Variants in ORC4 observed in about 807,000 individuals in gnomAD.
ORC4 encodes origin recognition complex, subunit 4 homolog.
In ORC4, 55 loss-of-function variants were observed where a neutral mutation model predicts 63.9. The observed-to-expected ratio is 0.86, with a 90% CI of 0.69 to 1.08. The LOEUF (loss-of-function observed/expected upper bound fraction) is 1.08, where lower values mean the gene tolerates loss of function less well. Ranked by LOEUF, ORC4 falls within the 50% of genes least tolerant of loss-of-function variation. The pLI, the probability that ORC4 is intolerant of heterozygous loss-of-function variation, is 0.00. For missense variants in ORC4, 511 were observed against 504.4 expected, an observed-to-expected ratio of 1.01 and a Z score of -0.13; for synonymous variants, 150 against 168.5, an observed-to-expected ratio of 0.89 and a Z score of 0.85.
intron 1 of ORC4, among the ~76,000 whole-genome samples, chr2:148,014,746 G>C (rs1189336213): frequency 1.3e-5 from 2 of 152,076 alleles, no homozygotes; most frequent in Non-Finnish European, 2.9e-5. Context: ...TATTTACATA[G>C]CATCTACATT....
At position 148,010,662 on chromosome 2, in the gene ORC4, T is replaced by C. The variant is rs570895836; in HGVS notation, c.-18+9971A>G. Among the ~76,000 whole-genome samples the C allele has an allele frequency of 2.0e-3, 302 of 151,950 alleles. 2 individuals are homozygous for C. The highest frequency in any genetic ancestry group is 3.3e-3 in the Non-Finnish European group (224 of 67,926). On this transcript the variant is annotated intron_variant, in intron 1 of 13. Transcript: ENST00000392857. The stretch of plus-strand genomic sequence containing the variant: ...AACATTAAGAAAACCAAAATCGAAA[T>C]AGACCCATAATAAGTTTCAAGATAG...
intron 1 of ORC4, among the ~76,000 whole-genome samples, chr2:148,002,483 G>A (rs1440955913): frequency 6.6e-6 from 1 of 152,152 alleles, no homozygotes. Flanking sequence ...CAACTATGTG[G>A]AAACTGAACA....
intron 4 of ORC4, among the ~76,000 whole-genome samples, 167 bp downstream of exon 4, chr2:147,972,570 CAT>C (rs1339374023): frequency 6.6e-5 from 10 of 151,884 alleles, no homozygotes; most frequent in Non-Finnish European, 1.0e-4. Context: ...TAAAGTTTTA[CAT>C]GTCTTCTGTG....
intron 1 of ORC4, among the ~76,000 whole-genome samples, chr2:147,986,813 A>ACACACACG (rs1691228603): frequency 6.6e-6 from 1 of 151,720 alleles, no homozygotes; most frequent in African/African-American, 2.4e-5. Context: ...ACACACACAC[A>ACACACACG]CTAGTGACCT....
At chr2:147,942,153 A>G (rs1688399705) in intron 10 of ORC4, among the ~76,000 whole-genome samples, 1 of 152,126 alleles carries the variant, frequency 6.6e-6, no homozygotes, top group African/African-American at 2.4e-5. Context: ...TACTACTAGC[A>G]TCAACAGTAC....
chr2:147,977,805 C>A (rs1203243053), intron 1 of ORC4, among the ~76,000 whole-genome samples: 1 of 152,190 alleles, frequency 6.6e-6, no homozygotes, highest in Non-Finnish European at 1.5e-5. Context: ...GTTTGGCTTT[C>A]TCTGGGAACC....
intron 1 of ORC4, among the ~76,000 whole-genome samples, chr2:148,017,645 C>T (rs1354627190): frequency 6.6e-6 from 1 of 152,146 alleles, no homozygotes; most frequent in Non-Finnish European, 1.5e-5. Flanking sequence ...GGACTCCAGC[C>T]TGGGCAACAG....
chr2:148,002,637 C>A (rs1692384917), intron 1 of ORC4, among the ~76,000 whole-genome samples: 1 of 152,044 alleles, frequency 6.6e-6, no homozygotes, highest in African/African-American at 2.4e-5. Context: ...ATTTATAGCA[C>A]TAAATGCCCA....
At chr2:147,976,439 A>C (rs1407265712) in intron 1 of ORC4, among the ~76,000 whole-genome samples, 2 of 152,106 alleles carry the variant, frequency 1.3e-5, no homozygotes, top group Non-Finnish European at 2.9e-5. Flanking sequence ...TGGGTGATTC[A>C]CTTTATTGTG....
Position 147,931,064 on chromosome 2 carries a change from A to T in ORC4, c.*4446T>A, listed in dbSNP as rs1374239365. ...ATATTCCCCTTCCTGTGTCCATGTG[A>T]TCTCATTGTTCAATTCCCACCTATG... On this transcript the variant is annotated 3_prime_UTR_variant, in exon 14 of 14. Coordinates refer to ENST00000392857, the MANE Select transcript of ORC4 (RefSeq NM_181741.4). 1 of 134,526 alleles carries T rather than the reference A, an allele frequency of 7.4e-6. No individual in the cohort carries two copies. Among genetic ancestry groups the T allele is most frequent in the Non-Finnish European group, 1.6e-5 (1 of 63,470 alleles). 8.3% of individuals were successfully genotyped at this position (134,526 alleles called of 1,614,324 possible).
rs1372969554 is a variant in ORC4 at position 147,948,223 on chromosome 2, T to C, written c.590A>G (p.Asp197Gly). The change falls in exon 9 of 14, where the codon GAT (aspartate) becomes GGT (glycine). Residue 197 changes from aspartate (D) to glycine (G), a missense_variant and splice_region_variant. Transcript: ENST00000392857. ...IAVIGLTCRL[D>G]ILELLEKRVK... ...TCTTTTTTCTAAGAGTTCCAAAATATCCTTAAAAACAAACAGAAATCTCTA... is the reference window on the plus strand; with the variant it reads ...TCTTTTTTCTAAGAGTTCCAAAATACCCTTAAAAACAAACAGAAATCTCTA... 1 of 1,599,320 alleles carries C rather than the reference T, an allele frequency of 6.3e-7. No homozygotes were observed. The highest frequency in any genetic ancestry group is 1.3e-5 in the African/African-American group (1 of 74,388).
At chr2:147,960,095 C>A (rs1048127606) in intron 4 of ORC4, 2 of 245,472 alleles carry the variant, frequency 8.1e-6, no homozygotes, top group Non-Finnish European at 1.3e-5. Context: ...TGTTTTAATT[C>A]ATACAATGTT....
At chr2:147,946,357 TC>T (rs1172737868) in intron 9 of ORC4, among the ~76,000 whole-genome samples, 1 of 151,892 alleles carries the variant, frequency 6.6e-6, no homozygotes, top group Non-Finnish European at 1.5e-5. Flanking sequence ...CATTTGAATC[TC>T]TAAAACAGCC....
At chr2:147,962,676 G>A (rs1330275305) in intron 4 of ORC4, among the ~76,000 whole-genome samples, 1 of 152,132 alleles carries the variant, frequency 6.6e-6, no homozygotes, top group East Asian at 1.9e-4. Flanking sequence ...AAACCAGGGT[G>A]GGGCTCTCTC....
intron 1 of ORC4, among the ~76,000 whole-genome samples, chr2:148,020,357 G>A (rs1358457968): frequency 6.6e-6 from 1 of 152,114 alleles, no homozygotes; most frequent in Non-Finnish European, 1.5e-5. Context: ...GGACCGTCAC[G>A]CTCCTCACCT....
chr2:147,977,747 G>A (rs1427218486), intron 1 of ORC4, among the ~76,000 whole-genome samples: 1 of 152,186 alleles, frequency 6.6e-6, no homozygotes, highest in African/African-American at 2.4e-5. Context: ...GGTCTGTACA[G>A]TGGATGAAGA....
Position 148,013,248 on chromosome 2 carries a change from TA to T in ORC4, c.-18+7384del, listed in dbSNP as rs890266088. The stretch of plus-strand genomic sequence containing the variant: ...TACACAATGGAATGTTATTCAGCCA[TA>T]AAAAAAAAATGAAATCCTGTCATTT... On this transcript the variant is annotated intron_variant, in intron 1 of 13. Coordinates refer to ENST00000392857, the MANE Select transcript of ORC4 (RefSeq NM_181741.4). Among the ~76,000 whole-genome samples the T allele has an allele frequency of 4.8e-3, 712 of 147,880 alleles. 18 individuals are homozygous for T. The highest frequency in any genetic ancestry group is 0.04 in the Admixed American group (600 of 14,886).
At chr2:147,943,375 AC>A in intron 10 of ORC4, 60 bp downstream of exon 10, 1 of 1,092,458 alleles carries the variant, frequency 9.2e-7, no homozygotes, top group Non-Finnish European at 1.4e-6. Context: ...ACAAAGTGAG[AC>A]CCCGTCACTA....
At chr2:147,982,634 A>C (rs898281395) in intron 1 of ORC4, among the ~76,000 whole-genome samples, 6 of 152,242 alleles carry the variant, frequency 3.9e-5, no homozygotes, top group Non-Finnish European at 7.3e-5. Context: ...TTCATAAAAG[A>C]AACAACAAAC....
Sources: allele counts gnomAD v4.1 joint callset (sites outside exome capture counted in the v4.1 genomes callset), GRCh38; gene constraint gnomAD v4.1.1; transcripts MANE v1.5; gene names NCBI Gene and HGNC (gene_info 2026-07-23, HGNC 2026-07-21).